Variants in RYR2 observed in about 807,000 individuals in gnomAD.
RYR2 encodes the protein ryanodine receptor 2, also known as cardiac muscle ryanodine receptor-calcium release channel.
In RYR2, 227 loss-of-function variants were observed where a neutral mutation model predicts 601.1. The ratio of observed to expected loss-of-function variants is 0.38; its 90% CI spans 0.34 to 0.42. RYR2 has a LOEUF of 0.42. RYR2 is among the 10% of genes least tolerant of loss of function. The pLI is 1.00. For synonymous variants in RYR2, 2,223 were observed against 2,175.1 expected, an observed-to-expected ratio of 1.02 and a Z score of -0.61; for missense variants, 4,646 against 6,156.5, an observed-to-expected ratio of 0.75 and a Z score of 8.21.
intron 35 of RYR2, among the ~76,000 whole-genome samples, chr1:237,602,634 T>C (rs568641209): frequency 3.3e-5 from 5 of 152,184 alleles, no homozygotes; most frequent in African/African-American, 9.6e-5. Flanking sequence ...TATGTAAGAG[T>C]GAACATGCTG....
At chr1:237,059,836 A>C (rs987150129) in intron 1 of RYR2, among the ~76,000 whole-genome samples, 8 of 152,216 alleles carry the variant, frequency 5.3e-5, no homozygotes, top group African/African-American at 1.9e-4. Flanking sequence ...ATTGGATGGA[A>C]CCATGATTCC....
intron 51 of RYR2, among the ~76,000 whole-genome samples, 177 bp downstream of exon 51, chr1:237,651,678 T>C (rs1205359877): frequency 1.3e-5 from 2 of 152,128 alleles, no homozygotes; most frequent in Non-Finnish European, 2.9e-5. Flanking sequence ...AAACAACTTC[T>C]ATAAGATTAT....
chr1:237,631,849 C>T (rs948862503), intron 42 of RYR2, among the ~76,000 whole-genome samples: 6 of 128,420 alleles, frequency 4.7e-5, no homozygotes, highest in South Asian at 2.5e-4. Flanking sequence ...AGGATGGTCT[C>T]GATCTCCTGA....
chr1:237,339,054 A>G (rs988569182), intron 3 of RYR2, among the ~76,000 whole-genome samples: 1 of 152,186 alleles, frequency 6.6e-6, no homozygotes, highest in African/African-American at 2.4e-5. Flanking sequence ...AAGTCTCTGT[A>G]TAAGTCTTCT....
At chr1:237,308,164 C>G (rs1379724919) in intron 2 of RYR2, among the ~76,000 whole-genome samples, 2 of 152,154 alleles carry the variant, frequency 1.3e-5, no homozygotes, top group Non-Finnish European at 2.9e-5. Flanking sequence ...GTCCAGATAT[C>G]CTGATATCTA....
chr1:237,794,037 T>C (rs1658787528), intron 95 of RYR2, 40 bp downstream of exon 95: 4 of 1,565,722 alleles, frequency 2.6e-6, no homozygotes, highest in Non-Finnish European at 3.5e-6. Context: ...CACTCAAAAA[T>C]TTCAGACATG....
chr1:237,522,950 A>G (rs1364044604), intron 24 of RYR2, among the ~76,000 whole-genome samples: 3 of 151,636 alleles, frequency 2.0e-5, no homozygotes, highest in African/African-American at 7.3e-5. Context: ...TTGCAGTTCC[A>G]ACTTATAGTG....
chr1:237,617,281 C>T lies in RYR2; in HGVS notation c.5716-5C>T, dbSNP rs1180981385. The stretch of plus-strand genomic sequence containing the variant: ...AAATTTGGTGTCTTTTTAATGGTCT[C>T]TTAGATGTGCCTACTGCTTCAGTAC... On this transcript the variant is annotated splice_polypyrimidine_tract_variant and splice_region_variant and intron_variant, in intron 37 of 104. Transcript: ENST00000366574. 6.2e-7 allele frequency: 1 copy of T among 1,608,370 alleles called. No homozygotes were observed. The highest frequency in any genetic ancestry group is 1.1e-5 in the South Asian group (1 of 90,242).
chr1:237,610,649 C>G lies in RYR2; in HGVS notation c.4684-113C>G. 1 of 860,426 alleles carries G rather than the reference C, an allele frequency of 1.2e-6. No homozygotes were observed. The highest frequency in any genetic ancestry group is 1.8e-6 in the Non-Finnish European group (1 of 559,930). The allele number at this position is 860,426 out of a possible 1,614,324, so 53.3% of individuals were successfully genotyped here. ...TTTCTTGTGTTGACTTTGCTTGACT[C>G]ATAGGGTTATCTTACTTTCCCTGTC... On this transcript the variant is annotated intron_variant, in intron 35 of 104. Coordinates refer to ENST00000366574, the MANE Select transcript of RYR2 (RefSeq NM_001035.3). This position sits in a 1 kb window ranked among gnomAD's most constrained non-coding sequence, Gnocchi z 4.9.
intron 84 of RYR2, among the ~76,000 whole-genome samples, chr1:237,764,706 C>T (rs1394786699): frequency 6.6e-6 from 1 of 152,058 alleles, no homozygotes; most frequent in African/African-American, 2.4e-5. Flanking sequence ...CTCGGCCTCC[C>T]AAACTGCTGG....
In RYR2 at chr1:237,783,985, G is replaced by A. The variant is rs966083978; in HGVS notation, c.12273G>A (p.Ala4091=). Residue 4091 remains alanine (A), a synonymous_variant, in exon 90 of 105, where the codon GCG becomes GCA. Coordinates refer to ENST00000366574, the MANE Select transcript of RYR2 (RefSeq NM_001035.3). Reference sequence around the variant, plus strand: ...TCGTCAAACGCTTCCACGAACCTGCGAAGGACATCGGCTTCAACGTCGCCG... The same window carrying A: ...TCGTCAAACGCTTCCACGAACCTGCAAAGGACATCGGCTTCAACGTCGCCG... ...EEFVKRFHEP[A]KDIGFNVAVL... is the part of the protein sequence containing the mutation. The A allele has an allele frequency of 1.5e-5, 25 of 1,613,688 alleles. No individual in the cohort carries two copies. The highest frequency in any genetic ancestry group is 2.7e-5 in the African/African-American group (2 of 74,910).
chr1:237,225,456 G>A (rs570108710), intron 1 of RYR2, among the ~76,000 whole-genome samples: 3 of 152,206 alleles, frequency 2.0e-5, no homozygotes, highest in Non-Finnish European at 2.9e-5. Flanking sequence ...AAGGGATTTC[G>A]CCTTATAAAA....
chr1:237,824,260 T>C (rs1228433024), intron 101 of RYR2, among the ~76,000 whole-genome samples: 1 of 152,134 alleles, frequency 6.6e-6, no homozygotes, highest in Non-Finnish European at 1.5e-5. Flanking sequence ...CTGATGAACA[T>C]CGATGCGAAA....
Position 237,638,337 on chromosome 1 carries a change from G to C in RYR2, c.6793-20G>C. The C allele has an allele frequency of 6.2e-7, 1 of 1,613,600 alleles. No homozygotes were observed. Among genetic ancestry groups the C allele is most frequent in the South Asian group, 1.1e-5 (1 of 91,042 alleles). On this transcript the variant is annotated intron_variant, in intron 44 of 104. Coordinates refer to ENST00000366574, the MANE Select transcript of RYR2 (RefSeq NM_001035.3). Reference sequence around the variant, plus strand: ...GTTTTCAGCCAAGGGATAACTCTTTGTTAATCATGTTGTTTGCAGGTAGTT... The same window carrying C: ...GTTTTCAGCCAAGGGATAACTCTTTCTTAATCATGTTGTTTGCAGGTAGTT...
At chr1:237,369,162 T>G (rs1204983985) in intron 5 of RYR2, among the ~76,000 whole-genome samples, 5 of 152,148 alleles carry the variant, frequency 3.3e-5, no homozygotes, top group Non-Finnish European at 5.9e-5. Flanking sequence ...ATGTTCCGCA[T>G]GCAGGTAGGC....
chr1:237,506,439 G>A (rs1221200995), intron 22 of RYR2, among the ~76,000 whole-genome samples: 11 of 152,028 alleles, frequency 7.2e-5, no homozygotes, highest in Admixed American at 7.2e-4. Flanking sequence ...TCGGGAGGCT[G>A]AGGCAGGAGA....
Position 237,659,989 on chromosome 1 carries a change from C to A in RYR2, c.8213C>A (p.Ala2738Glu). ...TAATGTTTGCCTTTTTTTAAGTTGG[C>A]AAATGGATGGATTTATGGAGAAATA... ...SHDKWSMDKL[A>E]NGWIYGEIYS... is the part of the protein sequence containing the mutation. Residue 2738 changes from alanine (A) to glutamate (E), a missense_variant, in exon 55 of 105, where the codon GCA (alanine) becomes GAA (glutamate). Ala to Glu is a moderately radical substitution (Grantham distance 107). Coordinates refer to ENST00000366574, the MANE Select transcript of RYR2 (RefSeq NM_001035.3). The A allele has an allele frequency of 6.3e-7, 1 of 1,575,828 alleles. No homozygotes were observed. The highest frequency in any genetic ancestry group is 1.9e-5 in the Admixed American group (1 of 52,350).
chr1:237,320,889 G>T (rs1263057929), intron 2 of RYR2, among the ~76,000 whole-genome samples: 5 of 152,004 alleles, frequency 3.3e-5, no homozygotes, highest in African/African-American at 1.2e-4. Flanking sequence ...AAGTCGTGGA[G>T]TATGGGGTAT....
intron 29 of RYR2, among the ~76,000 whole-genome samples, chr1:237,582,475 T>A (rs1414661190): frequency 6.6e-6 from 1 of 151,882 alleles, no homozygotes; most frequent in Non-Finnish European, 1.5e-5. Context: ...TATGTTCAGG[T>A]TTGTTGCCTG....
Sources: allele counts gnomAD v4.1 joint callset (sites outside exome capture counted in the v4.1 genomes callset), GRCh38; gene constraint gnomAD v4.1.1; non-coding constraint Gnocchi (gnomAD v3.1); transcripts MANE v1.5; gene names NCBI Gene and HGNC (gene_info 2026-07-23, HGNC 2026-07-21).